The following PCP2 variants were observed in gnomAD, a reference collection of about 807,000 sequenced individuals.
The protein encoded by PCP2 is Purkinje cell protein 2, also known as Purkinje cell protein 2 homolog.
A neutral mutation model predicts 18.3 loss-of-function variants in PCP2; 21 were observed. The ratio of observed to expected loss-of-function variants is 1.14; its 90% CI spans 0.81 to 1.65. The LOEUF (loss-of-function observed/expected upper bound fraction) is 1.65, where lower values mean the gene tolerates loss of function less well. Among genes scored for constraint, PCP2 ranks in the 40% most tolerant of loss-of-function variants. The pLI, the probability that PCP2 is intolerant of heterozygous loss-of-function variation, is 0.00. For missense variants in PCP2, 202 were observed against 201.8 expected, an observed-to-expected ratio of 1.00 and a Z score of 0.00; for synonymous variants, 85 against 77.6, an observed-to-expected ratio of 1.10 and a Z score of -0.50.
chr19:7,634,377 C>G (rs989528993), upstream of PCP2, among the ~76,000 whole-genome samples: 8 of 152,206 alleles, frequency 5.3e-5, no homozygotes, highest in Non-Finnish European at 7.3e-5. Context: ...CTATCACCAC[C>G]TCTGCCCGAG....
upstream of PCP2, chr19:7,636,867 C>G (rs1395099221): frequency 2.7e-6 from 1 of 373,316 alleles, no homozygotes; most frequent in South Asian, 1.5e-4. Context: ...GATCCTGCTT[C>G]GCACGCAAGC....
chr19:7,632,549 C>T lies in PCP2; in HGVS notation c.167-32G>A. Reference sequence around the variant, plus strand: ...GGACGTTCACAGACTTGGGAGGACACAGCCGGAGTGGGGGCCCCCAACCCT... The same window carrying T: ...GGACGTTCACAGACTTGGGAGGACATAGCCGGAGTGGGGGCCCCCAACCCT... On this transcript the variant is annotated intron_variant, in intron 2 of 3. Transcript: ENST00000311069. The surrounding 1 kb of genome is among the most constrained non-coding windows in gnomAD (Gnocchi z 5.2). The T allele has an allele frequency of 1.2e-6, 2 of 1,609,016 alleles. No homozygotes were observed. The highest frequency in any genetic ancestry group is 1.7e-4 in the Middle Eastern group (1 of 6,046).
At chr19:7,634,591 A>G (rs576183272), upstream of PCP2, among the ~76,000 whole-genome samples, 19 of 152,294 alleles carry the variant, frequency 1.2e-4, no homozygotes, top group Non-Finnish European at 2.5e-4. Context: ...GCTAGTCTCA[A>G]ACTCCTGGGT....
chr19:7,636,865 T>C, upstream of PCP2: 2 of 371,748 alleles, frequency 5.4e-6, no homozygotes, highest in Middle Eastern at 6.9e-4. Context: ...GCGATCCTGC[T>C]TCGCACGCAA....
upstream of PCP2, chr19:7,636,998 C>G: frequency 1.1e-6 from 1 of 880,752 alleles, no homozygotes; most frequent in Non-Finnish European, 1.5e-6. Flanking sequence ...ACTCAACTTC[C>G]TGGGCCTGGG....
At position 7,633,420 on chromosome 19, in the gene PCP2, C is replaced by A; in HGVS notation, c.38G>T (p.Gly13Val). The A allele has an allele frequency of 6.4e-7, 1 of 1,573,648 alleles. No individual in the cohort carries two copies. Among genetic ancestry groups the A allele is most frequent in the Non-Finnish European group, 8.6e-7 (1 of 1,158,592 alleles). ...GGGCCCTCTCACCTCGGCACAGGGG[C>A]CTGAGCCTTCCTCCGTCTTCTCCTC... ...DQEEKTEEGS[G>V]PCAEAGSPDQ... Residue 13 changes from glycine (G) to valine (V), a missense_variant, in exon 1 of 4, where the codon GGC (glycine) becomes GTC (valine). By Grantham distance (109) the Gly-to-Val change is moderately radical (BLOSUM62 -3). Coordinates refer to ENST00000311069, the MANE Select transcript of PCP2 (RefSeq NM_174895.3).
upstream of PCP2, among the ~76,000 whole-genome samples, chr19:7,635,682 C>T (rs1255883056): frequency 6.6e-6 from 1 of 151,822 alleles, no homozygotes; most frequent in East Asian, 1.9e-4. Flanking sequence ...AGCAACAGAG[C>T]GAGACCCGTC....
Position 7,632,605 on chromosome 19 carries a change from G to A in PCP2, c.167-88C>T. 2 of 1,591,336 alleles carry A rather than the reference G, an allele frequency of 1.3e-6. No homozygotes were observed. The highest frequency in any genetic ancestry group is 1.7e-6 in the Non-Finnish European group (2 of 1,170,532). On this transcript the variant is annotated intron_variant, in intron 2 of 3. Transcript: ENST00000311069. The surrounding 1 kb of genome is among the most constrained non-coding windows in gnomAD (Gnocchi z 5.2). ...TTCACCCCCACACAGATGCTTCAGG[G>A]TGCACAACCACCTCCCACATCCCGT...
At chr19:7,631,951 C>T (rs2031329608) in intron 3 of PCP2, 143 bp from the exon 4 acceptor site, 3 of 844,240 alleles carry the variant, frequency 3.6e-6, no homozygotes, top group African/African-American at 3.5e-5. Flanking sequence ...CAATATCTGC[C>T]ATTTAGGGTG....
chr19:7,632,381 A>T lies in PCP2; in HGVS notation c.291+12T>A. On this transcript the variant is annotated intron_variant, in intron 3 of 3. Coordinates refer to ENST00000311069, the MANE Select transcript of PCP2 (RefSeq NM_174895.3). The surrounding 1 kb of genome is among the most constrained non-coding windows in gnomAD (Gnocchi z 5.2). Reference sequence around the variant, plus strand: ...GCGGGTTTCTCCTCGACATCGCCAGAACATCACCTACCTTGGACCCCACGG... The same window carrying T: ...GCGGGTTTCTCCTCGACATCGCCAGTACATCACCTACCTTGGACCCCACGG... 10 of 1,613,664 alleles carry T rather than the reference A, an allele frequency of 6.2e-6. No homozygotes were observed. Among genetic ancestry groups the T allele is most frequent in the Non-Finnish European group, 8.5e-6 (10 of 1,179,900 alleles).
Position 7,633,413 on chromosome 19 carries a change from A to G in PCP2, c.45T>C (p.Cys15=). Residue 15 remains cysteine (C), a synonymous_variant, in exon 1 of 4, where the codon TGT becomes TGC. Coordinates refer to ENST00000311069, the MANE Select transcript of PCP2 (RefSeq NM_174895.3). ...GGGGGCAGGGCCCTCTCACCTCGGC[A>G]CAGGGGCCTGAGCCTTCCTCCGTCT... The part of the protein sequence containing the change: ...EEKTEEGSGP[C]AEAGSPDQEG... 1.9e-6 allele frequency: 3 copies of G among 1,570,836 alleles called. No homozygotes were observed. Among genetic ancestry groups the G allele is most frequent in the Non-Finnish European group, 1.7e-6 (2 of 1,157,022 alleles).
Position 7,632,737 on chromosome 19 carries a change from G to T in PCP2, c.145C>A (p.Pro49Thr). ...EGQRCSLQAG[P>T]GQTTKSQSDP... is the part of the protein sequence containing the mutation. ...TCACGGCTCTTGGTGGTCTGGCCCG[G>T]CCCGGCTTGCAGTGAACAGCGCTGT... is the stretch of plus-strand genomic sequence containing the variant. The change falls in exon 2 of 4, where the codon CCG becomes ACG. Residue 49 changes from proline (P) to threonine (T), a missense_variant. By Grantham distance (38) the Pro-to-Thr change is conservative. Coordinates refer to ENST00000311069, the MANE Select transcript of PCP2 (RefSeq NM_174895.3). This position sits in a 1 kb window ranked among gnomAD's most constrained non-coding sequence, Gnocchi z 5.2. 1 of 1,562,004 alleles carries T rather than the reference G, an allele frequency of 6.4e-7. No homozygotes were observed.
Position 7,632,137 on chromosome 19 carries a change from C to T in PCP2, c.291+256G>A, listed in dbSNP as rs2031339930. On this transcript the variant is annotated intron_variant, in intron 3 of 3. Transcript: ENST00000311069. The surrounding 1 kb of genome is among the most constrained non-coding windows in gnomAD (Gnocchi z 5.2). ...TCCTAGGAAGGGGTCCTATTTTCTC[C>T]CTTTGGCCTCCCCAGAACCTTCAGA... 1.6e-6 allele frequency: 1 copy of T among 608,426 alleles called. No individual in the cohort carries two copies. The highest frequency in any genetic ancestry group is 2.9e-5 in the East Asian group (1 of 34,806). 37.7% of individuals were successfully genotyped at this position (608,426 alleles called of 1,614,324 possible). A position where few individuals can be genotyped will look rare whatever the true frequency, so the allele number is the denominator to read the frequency against.
upstream of PCP2, among the ~76,000 whole-genome samples, chr19:7,634,704 A>G (rs1034629327): frequency 3.3e-5 from 5 of 152,156 alleles, no homozygotes; most frequent in East Asian, 1.9e-4. Flanking sequence ...TATTGAGCCA[A>G]CGTTCCAGAG....
In PCP2 at chr19:7,633,533, G is replaced by A. The variant is rs909797034; in HGVS notation, c.-76C>T. 7.7e-5 allele frequency: 111 copies of A among 1,450,062 alleles called. No individual in the cohort carries two copies. The highest frequency in any genetic ancestry group is 1.8e-4 in the Middle Eastern group (1 of 5,712). 89.8% of individuals were successfully genotyped at this position (1,450,062 alleles called of 1,614,324 possible). ...CAGAGAGGGCCTTTTAAACGTCCAG[G>A]ACGTGGGGGTGTGGATTCCCCCCAT... is the stretch of plus-strand genomic sequence containing the variant. On this transcript the variant is annotated 5_prime_UTR_variant, in exon 1 of 4. Coordinates refer to ENST00000311069, the MANE Select transcript of PCP2 (RefSeq NM_174895.3).
At chr19:7,634,921 C>A (rs1399191434), upstream of PCP2, among the ~76,000 whole-genome samples, 3 of 152,030 alleles carry the variant, frequency 2.0e-5, no homozygotes, top group African/African-American at 7.3e-5. Flanking sequence ...CATTTCCCCA[C>A]CCCCCCAACC....
upstream of PCP2, among the ~76,000 whole-genome samples, chr19:7,634,457 A>G (rs2031454373): frequency 2.0e-5 from 3 of 152,226 alleles, no homozygotes; most frequent in South Asian, 6.2e-4. Context: ...CCCCCTCCTC[A>G]GTACGTGTAT....
In PCP2 at chr19:7,632,579, CT is replaced by C. The variant is rs1033237051; in HGVS notation, c.167-63del. 52 of 1,601,686 alleles carry C rather than the reference CT, an allele frequency of 3.2e-5. No homozygotes were observed. The highest frequency in any genetic ancestry group is 2.4e-4 in the African/African-American group (18 of 74,896). ...GGAGTGGGGGCCCCCAACCCTACCCCTTCACCCCCACACAGATGCTTCAGGG... is the reference window on the plus strand; with the variant it reads ...GGAGTGGGGGCCCCCAACCCTACCCCTCACCCCCACACAGATGCTTCAGGG... On this transcript the variant is annotated intron_variant, in intron 2 of 3. Transcript: ENST00000311069. This position sits in a 1 kb window ranked among gnomAD's most constrained non-coding sequence, Gnocchi z 5.2.
rs776268475 is a variant in PCP2, at chr19:7,632,840, G to A, written c.52-10C>T. 1.4e-5 allele frequency: 21 copies of A among 1,545,226 alleles called. No individual in the cohort carries two copies. The South Asian group carries it at 2.5e-4, about 18-fold the overall frequency. On this transcript the variant is annotated splice_polypyrimidine_tract_variant and intron_variant, in intron 1 of 3. Coordinates refer to ENST00000311069, the MANE Select transcript of PCP2 (RefSeq NM_174895.3). This position sits in a 1 kb window ranked among gnomAD's most constrained non-coding sequence, Gnocchi z 5.2. ...GGTCTGGGGAGCCCGCCTGGGGACA[G>A]ACTCGCTCAGTCTGGTTGGCCCTTC...
Sources: gnomAD v4.1 joint callset for allele counts (sites outside exome capture counted in the v4.1 genomes callset) on GRCh38, gnomAD v4.1.1 for gene constraint, Gnocchi (gnomAD v3.1) non-coding constraint, MANE v1.5 for transcripts, NCBI Gene and HGNC (gene_info 2026-07-23, HGNC 2026-07-21) for gene names.